Variants in TOP1 observed in about 807,000 individuals in gnomAD.
TOP1 encodes DNA topoisomerase I, also known as DNA topoisomerase 1.
A neutral mutation model predicts 111.1 loss-of-function variants in TOP1; 10 were observed. The ratio of observed to expected loss-of-function variants is 0.09; its 90% CI spans 0.06 to 0.15. The LOEUF (loss-of-function observed/expected upper bound fraction) is 0.15, where lower values mean the gene tolerates loss of function less well. TOP1 is among the 10% of genes least tolerant of loss of function. TOP1 has a pLI of 1.00. For missense variants in TOP1, 474 were observed against 926.7 expected (o/e 0.51, Z 6.34); for synonymous variants, 271 against 302.9 (o/e 0.89, Z 1.10).
chr20:41,047,068 ATTC>A (rs1437969386), intron 2 of TOP1, among the ~76,000 whole-genome samples: 1 of 152,220 alleles, frequency 6.6e-6, no homozygotes, highest in East Asian at 1.9e-4. Flanking sequence ...CAGGGAGGAT[ATTC>A]TTCATTTAGA....
At position 41,121,046 on chromosome 20, in the gene TOP1, C is replaced by A. The variant is rs1189823604; in HGVS notation, c.1951-650C>A. Among the ~76,000 whole-genome samples, 1 of 152,164 alleles carries A rather than the reference C, an allele frequency of 6.6e-6. No individual in the cohort carries two copies. On this transcript the variant is annotated intron_variant, in intron 18 of 20. Coordinates refer to ENST00000361337, the MANE Select transcript of TOP1 (RefSeq NM_003286.4). The surrounding 1 kb of genome is among the most constrained non-coding windows in gnomAD (Gnocchi z 4.2). Reference sequence around the variant, plus strand: ...CGTGAGACACCGCGCCTGGTGACCGCTCTCCTTTTAAAAACAGAATGCCAA... The same window carrying A: ...CGTGAGACACCGCGCCTGGTGACCGATCTCCTTTTAAAAACAGAATGCCAA...
chr20:41,070,095 G>T (rs1198006553), intron 3 of TOP1, among the ~76,000 whole-genome samples: 1 of 152,176 alleles, frequency 6.6e-6, no homozygotes. Context: ...GTTGGGACTC[G>T]ATTCTGAGCT....
intron 2 of TOP1, among the ~76,000 whole-genome samples, chr20:41,059,461 G>A (rs1401898015): frequency 3.9e-5 from 5 of 127,216 alleles, no homozygotes; most frequent in African/African-American, 5.8e-5. Flanking sequence ...AATAAATAAG[G>A]TGGTGGTGGT....
chr20:41,072,746 A>C, intron 3 of TOP1: 6 of 985,430 alleles, frequency 6.1e-6, no homozygotes, highest in Non-Finnish European at 7.2e-6. Context: ...AGGGATGATC[A>C]CATTGTATTC....
chr20:41,094,370 G>A lies in TOP1; in HGVS notation c.730+1783G>A, dbSNP rs999431002. 6.6e-6 allele frequency among the ~76,000 whole-genome samples: 1 copy of A among 152,162 alleles called. No homozygotes were observed. ...TTGAAGAGCACCATCTCAAAGCGTA[G>A]GTATTCCGTAGGCCTGGTCTGGACT... On this transcript the variant is annotated intron_variant, in intron 9 of 20. Transcript: ENST00000361337. The surrounding 1 kb of genome is among the most constrained non-coding windows in gnomAD (Gnocchi z 4.4).
intron 5 of TOP1, 146 bp downstream of exon 5, chr20:41,077,783 G>C (rs917036888): frequency 3.0e-5 from 21 of 693,832 alleles, no homozygotes; most frequent in Non-Finnish European, 5.0e-5. Context: ...GAGAAGACTC[G>C]GTCTAAGCCA....
At position 41,028,968 on chromosome 20, in the gene TOP1, C is replaced by T. The variant is rs2033076660; in HGVS notation, c.-100C>T. 2.9e-6 allele frequency: 3 copies of T among 1,045,192 alleles called. No individual in the cohort carries two copies. Among genetic ancestry groups the T allele is most frequent in the Non-Finnish European group, 4.2e-6 (3 of 711,344 alleles). 64.7% of individuals were successfully genotyped at this position (1,045,192 alleles called of 1,614,324 possible). ...TCACCGCCGCTTACCTGCGCCTCCT[C>T]GAGCCTCCGGAGTCCCCGTCCGCCC... On this transcript the variant is annotated 5_prime_UTR_variant, in exon 1 of 21. Coordinates refer to ENST00000361337, the MANE Select transcript of TOP1 (RefSeq NM_003286.4).
intron 2 of TOP1, among the ~76,000 whole-genome samples, chr20:41,053,053 G>A (rs2033425894): frequency 1.3e-5 from 2 of 152,020 alleles, no homozygotes; most frequent in Admixed American, 6.6e-5. Context: ...CATAACTCTG[G>A]GATTTTATTT....
In TOP1 at chr20:41,100,322, T is replaced by C; in HGVS notation, c.1163+79T>C. The C allele has an allele frequency of 1.7e-6, 2 of 1,203,344 alleles. No homozygotes were observed. Among genetic ancestry groups the C allele is most frequent in the South Asian group, 2.9e-5 (2 of 68,706 alleles). 74.5% of individuals were successfully genotyped at this position (1,203,344 alleles called of 1,614,324 possible). A position where few individuals can be genotyped will look rare whatever the true frequency, so the allele number is the denominator to read the frequency against. On this transcript the variant is annotated intron_variant, in intron 12 of 20. Transcript: ENST00000361337. The surrounding 1 kb of genome is among the most constrained non-coding windows in gnomAD (Gnocchi z 4.4). ...TTGTACTTGGGAATATTTCCCAGGT[T>C]ACACAGGACTGTTTGGGAAGGGAGA...
intron 2 of TOP1, among the ~76,000 whole-genome samples, chr20:41,039,591 C>T (rs1465834352): frequency 6.6e-6 from 1 of 152,086 alleles, no homozygotes; most frequent in Non-Finnish European, 1.5e-5. Flanking sequence ...TATCAGACAT[C>T]CATGTTGCAT....
In TOP1 at chr20:41,115,156, G is replaced by A. The variant is rs919374588; in HGVS notation, c.1639-215G>A. Among the ~76,000 whole-genome samples, 2 of 151,844 alleles carry A rather than the reference G, an allele frequency of 1.3e-5. No individual in the cohort carries two copies. Among genetic ancestry groups the A allele is most frequent in the African/African-American group, 4.8e-5 (2 of 41,304 alleles). ...TAAATGGCTCAGAACAAACAATTAT[G>A]TATATATATCTGTAAATATACACAT... On this transcript the variant is annotated intron_variant, in intron 15 of 20. Transcript: ENST00000361337. The surrounding 1 kb of genome is among the most constrained non-coding windows in gnomAD (Gnocchi z 6.3).
At chr20:41,087,857 A>C (rs1484254352) in intron 8 of TOP1, among the ~76,000 whole-genome samples, 1 of 152,238 alleles carries the variant, frequency 6.6e-6, no homozygotes, top group Non-Finnish European at 1.5e-5. Context: ...TTTTATTATT[A>C]AATTGGTACT....
rs186944116 is a variant in TOP1 at position 41,094,751 on chromosome 20, C to A, written c.730+2164C>A. Among the ~76,000 whole-genome samples the A allele has an allele frequency of 1.3e-5, 2 of 152,174 alleles. No individual in the cohort carries two copies. Among genetic ancestry groups the A allele is most frequent in the African/African-American group, 4.8e-5 (2 of 41,436 alleles). ...TCTGGGGAGGAGAATTCTTAGACTC[C>A]TTTAGAACTTGCCAGGGAGGTGGGG... is the stretch of plus-strand genomic sequence containing the variant. On this transcript the variant is annotated intron_variant, in intron 9 of 20. Coordinates refer to ENST00000361337, the MANE Select transcript of TOP1 (RefSeq NM_003286.4). This position sits in a 1 kb window ranked among gnomAD's most constrained non-coding sequence, Gnocchi z 4.4.
chr20:41,031,127 G>A (rs960426917), intron 2 of TOP1, among the ~76,000 whole-genome samples: 1 of 152,186 alleles, frequency 6.6e-6, no homozygotes, highest in Non-Finnish European at 1.5e-5. Flanking sequence ...TGGGCGCAGA[G>A]AATTGTCAGG....
chr20:41,121,740 G>A lies in TOP1; in HGVS notation c.1995G>A (p.Leu665=), dbSNP rs1410745007. 1 of 1,614,190 alleles carries A rather than the reference G, an allele frequency of 6.2e-7. No homozygotes were observed. The change falls in exon 19 of 21, where the codon CTG becomes CTA. Residue 665 remains leucine, a synonymous_variant. Transcript: ENST00000361337. This position sits in a 1 kb window ranked among gnomAD's most constrained non-coding sequence, Gnocchi z 4.2. ...KEQLADARRD[L]KSAKADAKVM... is the part of the protein sequence containing the mutation. ...AGCTAGCAGATGCCCGGAGAGACCTGAAAAGTGCTAAGGCTGATGCCAAGG... is the reference window on the plus strand; with the variant it reads ...AGCTAGCAGATGCCCGGAGAGACCTAAAAAGTGCTAAGGCTGATGCCAAGG...
chr20:41,051,708 CT>C (rs777328400), intron 2 of TOP1, among the ~76,000 whole-genome samples: 5 of 151,954 alleles, frequency 3.3e-5, no homozygotes, highest in Non-Finnish European at 7.4e-5. Context: ...TTCATAAGTG[CT>C]TTTCTTTCCT....
Position 41,114,858 on chromosome 20 carries a change from A to G in TOP1, c.1639-513A>G, listed in dbSNP as rs1024011883. On this transcript the variant is annotated intron_variant, in intron 15 of 20. Coordinates refer to ENST00000361337, the MANE Select transcript of TOP1 (RefSeq NM_003286.4). The surrounding 1 kb of genome is among the most constrained non-coding windows in gnomAD (Gnocchi z 4.5). ...CCAGCCCACCAGCAGTCCTCTTCTT[A>G]TAAAGACACCTCTTCTCATAAGGAC... Among the ~76,000 whole-genome samples, 2 of 152,192 alleles carry G rather than the reference A, an allele frequency of 1.3e-5. No individual in the cohort carries two copies. Among genetic ancestry groups the G allele is most frequent in the African/African-American group, 4.8e-5 (2 of 41,446 alleles).
chr20:41,072,685 C>T lies in TOP1; in HGVS notation c.156-3486C>T, dbSNP rs928747440. The stretch of plus-strand genomic sequence containing the variant: ...TATGGATGCCAGGTTGGGCTCCAGG[C>T]ACTCTGCTCTCCATTTGTGGAGGCA... On this transcript the variant is annotated intron_variant, in intron 3 of 20. Transcript: ENST00000361337. 1.4e-5 allele frequency: 14 copies of T among 985,424 alleles called. No homozygotes were observed. The East Asian group carries it at 1.4e-3, about 96-fold the overall frequency. 61.0% of individuals were successfully genotyped at this position (985,424 alleles called of 1,614,324 possible).
chr20:41,090,278 C>G (rs1328633722), intron 8 of TOP1, among the ~76,000 whole-genome samples: 1 of 152,092 alleles, frequency 6.6e-6, no homozygotes, highest in African/African-American at 2.4e-5. Flanking sequence ...TGCGCCCAGC[C>G]CCTATTTTTA....
Sources: allele counts gnomAD v4.1 joint callset (sites outside exome capture counted in the v4.1 genomes callset), GRCh38; gene constraint gnomAD v4.1.1; non-coding constraint Gnocchi (gnomAD v3.1); transcripts MANE v1.5; gene names NCBI Gene and HGNC (gene_info 2026-07-23, HGNC 2026-07-21).